PLCXD3: variants seen among roughly 807,000 people sequenced by gnomAD.
PLCXD3 encodes phosphatidylinositol specific phospholipase C X domain containing 3.
Under a neutral mutation model 25.5 loss-of-function variants are expected in PLCXD3, and 19 were observed. The ratio of observed to expected loss-of-function variants is 0.75; its 90% confidence interval spans 0.52 to 1.09. The LOEUF is 1.09. PLCXD3 is among the 50% of genes least tolerant of loss of function. The probability of loss-of-function intolerance (pLI) is 0.00; values close to 1 mark genes in which losing one functional copy is unlikely to be tolerated. For synonymous variants in PLCXD3, 174 were observed against 137.6 expected (o/e 1.26, Z -1.85); for missense variants, 411 against 388.1 (o/e 1.06, Z -0.50).
chr5:41,395,922 GAGA>G (rs1206780861), intron 1 of PLCXD3, among the ~76,000 whole-genome samples: 15 of 150,900 alleles, frequency 9.9e-5, no homozygotes, highest in Admixed American at 4.0e-4. Context: ...TCTAAAAATA[GAGA>G]AGGAGGGAAA....
intron 1 of PLCXD3, among the ~76,000 whole-genome samples, chr5:41,403,408 T>TTTTTTTTTTTTA (rs1554047966): frequency 3.8e-5 from 1 of 26,228 alleles, no homozygotes; most frequent in Non-Finnish European, 9.4e-5. Flanking sequence ...GTTGTTTTTT[T>TTTTTTTTTTTTA]TTTTTTTTAT....
At chr5:41,362,755 T>G (rs1376089598) in intron 2 of PLCXD3, among the ~76,000 whole-genome samples, 1 of 152,222 alleles carries the variant, frequency 6.6e-6, no homozygotes, top group African/African-American at 2.4e-5. Context: ...CAGCAACTCC[T>G]GATCAACCAA....
chr5:41,452,121 C>A (rs557732892), intron 1 of PLCXD3, among the ~76,000 whole-genome samples: 10 of 152,112 alleles, frequency 6.6e-5, no homozygotes, highest in Admixed American at 5.2e-4. Flanking sequence ...GATTCTGTCT[C>A]CCAAATTTGC....
rs541616320 is a variant in PLCXD3, at chr5:41,430,985, C to T, written c.104-48451G>A. Among the ~76,000 whole-genome samples, 54 of 152,248 alleles carry T rather than the reference C, an allele frequency of 3.5e-4. 1 individual carries two copies. The highest frequency in any genetic ancestry group is 2.1e-3 in the South Asian group (10 of 4,824). On this transcript the variant is annotated intron_variant, in intron 1 of 2. Transcript: ENST00000377801. ...TTTGAGCTGACCAATTGGTCATCCT[C>T]TAATGGGGTATTTGACAAAATTGTC...
At chr5:41,455,819 C>T (rs1282436489) in intron 1 of PLCXD3, among the ~76,000 whole-genome samples, 1 of 151,628 alleles carries the variant, frequency 6.6e-6, no homozygotes, top group Non-Finnish European at 1.5e-5. Flanking sequence ...TGTAATAAGC[C>T]CAAGAGGAAA....
chr5:41,365,925 T>C (rs954215236), intron 2 of PLCXD3, among the ~76,000 whole-genome samples: 2 of 148,168 alleles, frequency 1.3e-5, no homozygotes, highest in Non-Finnish European at 3.0e-5. Flanking sequence ...ATTTATTTAT[T>C]TATTTATTTA....
intron 1 of PLCXD3, among the ~76,000 whole-genome samples, chr5:41,445,010 T>C (rs1747463436): frequency 6.6e-6 from 1 of 152,216 alleles, no homozygotes; most frequent in Admixed American, 6.5e-5. Flanking sequence ...TGTCAACATA[T>C]ACAGCTATTC....
At chr5:41,415,256 T>C (rs546958181) in intron 1 of PLCXD3, among the ~76,000 whole-genome samples, 1 of 152,334 alleles carries the variant, frequency 6.6e-6, no homozygotes, top group African/African-American at 2.4e-5. Context: ...CTGCTCTTTC[T>C]GTACTTTTTA....
chr5:41,464,878 C>G (rs938208034), intron 1 of PLCXD3, among the ~76,000 whole-genome samples: 3 of 151,800 alleles, frequency 2.0e-5, no homozygotes, highest in South Asian at 2.1e-4. Context: ...TCCATTTCAT[C>G]ATTCCTTCTT....
chr5:41,492,209 G>C lies in PLCXD3; in HGVS notation c.103+18215C>G, dbSNP rs528077599. ...TCACTTATGAAGCTTAGTTTGGCTG[G>C]ATATGAAATTCTGGGTTGAAAATTA... On this transcript the variant is annotated intron_variant, in intron 1 of 2. Transcript: ENST00000377801. Among the ~76,000 whole-genome samples, 139 of 152,244 alleles carry C rather than the reference G, an allele frequency of 9.1e-4. 2 individuals are homozygous for C. The highest frequency in any genetic ancestry group is 3.2e-3 in the African/African-American group (134 of 41,552).
At chr5:41,491,836 A>G (rs984971736) in intron 1 of PLCXD3, among the ~76,000 whole-genome samples, 8 of 152,006 alleles carry the variant, frequency 5.3e-5, no homozygotes, top group Admixed American at 2.6e-4. Flanking sequence ...GTCTCTGCAC[A>G]TGAGATGGGT....
At chr5:41,439,630 A>G (rs996515124) in intron 1 of PLCXD3, among the ~76,000 whole-genome samples, 1 of 152,190 alleles carries the variant, frequency 6.6e-6, no homozygotes. Flanking sequence ...GACATCATAT[A>G]CCATTTCAGC....
chr5:41,490,138 G>T (rs547510455), intron 1 of PLCXD3, among the ~76,000 whole-genome samples: 6 of 152,268 alleles, frequency 3.9e-5, no homozygotes, highest in Non-Finnish European at 7.3e-5. Context: ...AGAGTTTTTA[G>T]CATGAAGTGT....
intron 2 of PLCXD3, among the ~76,000 whole-genome samples, chr5:41,344,785 C>T (rs1463454281): frequency 1.3e-5 from 2 of 152,060 alleles, no homozygotes; most frequent in African/African-American, 2.4e-5. Flanking sequence ...TCTAAATTCT[C>T]TTTTACTTCA....
intron 1 of PLCXD3, among the ~76,000 whole-genome samples, chr5:41,445,835 C>A (rs975643044): frequency 2.6e-5 from 4 of 151,936 alleles, no homozygotes; most frequent in Non-Finnish European, 5.9e-5. Flanking sequence ...CTTAAATAAT[C>A]ATGATAAGTA....
Position 41,440,249 on chromosome 5 carries a change from T to TTTTTTTTTTTG in PLCXD3, c.104-57716_104-57715insCAAAAAAAAAA, listed in dbSNP as rs751131624. Among the ~76,000 whole-genome samples the TTTTTTTTTTTG allele has an allele frequency of 7.9e-3, 788 of 100,314 alleles. 65 individuals carry two copies. The highest frequency in any genetic ancestry group is 0.013 in the East Asian group (36 of 2,880). The allele number at this position is 100,314 out of a possible 152,430, so 65.8% of individuals were successfully genotyped here. On this transcript the variant is annotated intron_variant, in intron 1 of 2. Transcript: ENST00000377801. ...TTTTTTTTTTTTTTTTTTTTTTTTT[T>TTTTTTTTTTTG]TTAGTCAGAGTCTCACTGTGTCACC... is the stretch of plus-strand genomic sequence containing the variant.
intron 1 of PLCXD3, among the ~76,000 whole-genome samples, chr5:41,422,076 C>A (rs1746841881): frequency 6.6e-6 from 1 of 152,094 alleles, no homozygotes; most frequent in Admixed American, 6.5e-5. Flanking sequence ...AACACACTTA[C>A]TGTATTTTTA....
chr5:41,457,568 T>C (rs1263574608), intron 1 of PLCXD3, among the ~76,000 whole-genome samples: 1 of 151,896 alleles, frequency 6.6e-6, no homozygotes, highest in East Asian at 1.9e-4. Flanking sequence ...GCGCCTCAGA[T>C]ACAATACTGG....
intron 1 of PLCXD3, among the ~76,000 whole-genome samples, chr5:41,492,735 C>G (rs935929292): frequency 1.3e-5 from 2 of 152,224 alleles, no homozygotes; most frequent in African/African-American, 4.8e-5. Context: ...GCTCCTGAGC[C>G]TTCTGCATTC....
Sources: allele counts gnomAD v4.1 joint callset (sites outside exome capture counted in the v4.1 genomes callset), GRCh38; gene constraint gnomAD v4.1.1; transcripts MANE v1.5; gene names NCBI Gene and HGNC (gene_info 2026-07-23, HGNC 2026-07-21).